Variants in E2F5 observed in about 807,000 individuals in gnomAD.
E2F5 encodes the protein transcription factor E2F5.
A neutral mutation model predicts 39.1 loss-of-function variants in E2F5; 23 were observed. That is an observed-to-expected ratio of 0.59 (90% CI 0.42 to 0.83). The LOEUF is 0.83. Among genes scored for constraint, E2F5 ranks in the 40% least tolerant of loss-of-function variants. The pLI is 0.00. For synonymous variants in E2F5, 145 were observed against 157.8 expected (o/e 0.92, Z 0.61); for missense variants, 365 against 406.7 (o/e 0.90, Z 0.88).
At position 85,179,415 on chromosome 8, in the gene E2F5, C is replaced by T. The variant is rs542615410; in HGVS notation, c.234+1761C>T. ...GGCTATATAATTGCCCTACAGAAGT[C>T]ACAGAGGCAGTGAGTAGGATGTAAA... On this transcript the variant is annotated intron_variant, in intron 1 of 7. Coordinates refer to ENST00000416274, the MANE Select transcript of E2F5 (RefSeq NM_001951.4). 1.2e-4 allele frequency among the ~76,000 whole-genome samples: 19 copies of T among 152,264 alleles called. No homozygotes were observed. In the South Asian group the frequency reaches 2.3e-3, roughly 18 times the overall value.
rs1812103284 is a variant in E2F5 at position 85,177,323 on chromosome 8, G to A, written c.-98G>A. On this transcript the variant is annotated 5_prime_UTR_variant, in exon 1 of 8. Transcript: ENST00000416274. ...CCCGCACTACCGCTCTCGGCGGGCG[G>A]GGAAGCGGCCGCAGCGGAGCCGACC... 1 of 942,988 alleles carries A rather than the reference G, an allele frequency of 1.1e-6. No homozygotes were observed. The highest frequency in any genetic ancestry group is 1.3e-6 in the Non-Finnish European group (1 of 791,418). The allele number at this position is 942,988 out of a possible 1,614,324, so 58.4% of individuals were successfully genotyped here. A position where few individuals can be genotyped will look rare whatever the true frequency, so the allele number is the denominator to read the frequency against.
chr8:85,178,142 C>T (rs1450921551), intron 1 of E2F5: 1 of 151,940 alleles, frequency 6.6e-6, no homozygotes, highest in African/African-American at 2.4e-5. Context: ...AAAAACAAAA[C>T]CCAGTCTGCC....
At chr8:85,194,426 T>G (rs1812534051) in intron 1 of E2F5, among the ~76,000 whole-genome samples, 1 of 152,138 alleles carries the variant, frequency 6.6e-6, no homozygotes, top group Admixed American at 6.6e-5. Flanking sequence ...ATGACAAGTC[T>G]AGGTTCCTGA....
chr8:85,183,067 C>G (rs1402680463), intron 1 of E2F5, among the ~76,000 whole-genome samples: 1 of 152,076 alleles, frequency 6.6e-6, no homozygotes. Flanking sequence ...CTGGCTAACA[C>G]GGTGAAACCC....
rs776591071 is a variant in E2F5 at position 85,177,701 on chromosome 8, C to T, written c.234+47C>T. 6.1e-5 allele frequency: 75 copies of T among 1,223,526 alleles called. 1 individual carries two copies. Among genetic ancestry groups the T allele is most frequent in the South Asian group, 1.9e-4 (5 of 25,786 alleles). The allele number at this position is 1,223,526 out of a possible 1,614,324, so 75.8% of individuals were successfully genotyped here. The stretch of plus-strand genomic sequence containing the variant: ...GGGGGCGGACTTCGGAACCCGTGGC[C>T]CCCGGGGAAGCCCAGCCCCTCGCCG... On this transcript the variant is annotated intron_variant, in intron 1 of 7. Transcript: ENST00000416274.
At chr8:85,186,809 ATAAGGTGTATATATATGGTATATATATG>A (rs1812352736) in intron 1 of E2F5, among the ~76,000 whole-genome samples, 4 of 148,016 alleles carry the variant, frequency 2.7e-5, no homozygotes, top group African/African-American at 9.9e-5. Context: ...ATATGTATAT[ATAAGGTGTATATATATGGTATATATATG>A]TAAGGTGTAT....
In E2F5 at chr8:85,209,191, G is replaced by A. The variant is rs1812863182; in HGVS notation, c.665G>A (p.Gly222Glu). Residue 222 changes from glycine to glutamate, a missense_variant, in exon 6 of 8, where the codon GGA (glycine) becomes GAA (glutamate). By Grantham distance (98) the Gly-to-Glu change is moderately conservative. Transcript: ENST00000416274. ...KYQINLKSHS[G>E]PIHVLLINKE... ...CAGATCAATCTAAAGAGTCATTCAG[G>A]ACCTATCCATGTGCTGCTTATAAAT... The A allele has an allele frequency of 6.2e-7, 1 of 1,613,926 alleles. No homozygotes were observed. Among genetic ancestry groups the A allele is most frequent in the South Asian group, 1.1e-5 (1 of 91,074 alleles).
chr8:85,211,657 T>G (rs1169489883), intron 6 of E2F5, among the ~76,000 whole-genome samples: 1 of 139,466 alleles, frequency 7.2e-6, no homozygotes, highest in Non-Finnish European at 1.6e-5. Context: ...TTTTTTTTTT[T>G]TTTTTTTTTT....
At chr8:85,204,618 G>A (rs992501624) in intron 3 of E2F5, among the ~76,000 whole-genome samples, 6 of 151,614 alleles carry the variant, frequency 4.0e-5, no homozygotes, top group African/African-American at 1.5e-4. Flanking sequence ...GGTGCAGCAC[G>A]CCAACATGGC....
chr8:85,195,625 G>T (rs1812563396), intron 1 of E2F5, among the ~76,000 whole-genome samples: 1 of 151,960 alleles, frequency 6.6e-6, no homozygotes, highest in Non-Finnish European at 1.5e-5. Context: ...AAATAGCTGG[G>T]ACTGCAGGCA....
chr8:85,177,648 CA>C lies in E2F5; in HGVS notation c.231del (p.Ala78ArgfsTer8). ...AGGCCAAGGACGGCGTTCTGGATCT[CA>C]AAGCGGTGAGCTCCGGAGGCGGGGA... Reference protein sequence around the residue: ...QEAKDGVLDLKAAADTLAVRQ... With the variant: ...QEAKDGVLDLXAAADTLAVRQ... On this transcript the variant is annotated frameshift_variant, in exon 1 of 8. Transcript: ENST00000416274. LOFTEE classifies it high-confidence loss of function. 1 of 1,291,454 alleles carries C rather than the reference CA, an allele frequency of 7.7e-7. No individual in the cohort carries two copies. The highest frequency in any genetic ancestry group is 9.8e-7 in the Non-Finnish European group (1 of 1,015,856). 80.0% of individuals were successfully genotyped at this position (1,291,454 alleles called of 1,614,324 possible).
At chr8:85,190,335 T>A (rs1348571496) in intron 1 of E2F5, among the ~76,000 whole-genome samples, 2 of 151,706 alleles carry the variant, frequency 1.3e-5, no homozygotes, top group African/African-American at 4.8e-5. Flanking sequence ...GGTCTTAGTT[T>A]TTTTTTTTCC....
rs192002228 is a variant in E2F5 at position 85,191,740 on chromosome 8, C to T, written c.235-10407C>T. On this transcript the variant is annotated intron_variant, in intron 1 of 7. Transcript: ENST00000416274. ...GCAGCCTGGGTTTTTGCCTTACTATCCTTTATCACAATATGGAATTATTTA... is the reference window on the plus strand; with the variant it reads ...GCAGCCTGGGTTTTTGCCTTACTATTCTTTATCACAATATGGAATTATTTA... Among the ~76,000 whole-genome samples, 822 of 152,256 alleles carry T rather than the reference C, an allele frequency of 5.4e-3. 5 individuals are homozygous for T. Among genetic ancestry groups the T allele is most frequent in the Non-Finnish European group, 8.5e-3 (581 of 68,028 alleles).
intron 1 of E2F5, among the ~76,000 whole-genome samples, chr8:85,192,095 G>A (rs1314841195): frequency 1.3e-5 from 2 of 152,150 alleles, no homozygotes; most frequent in African/African-American, 2.4e-5. Context: ...GACAGAACCT[G>A]GTGCTGAGTC....
chr8:85,179,600 T>A (rs1338374741), intron 1 of E2F5, among the ~76,000 whole-genome samples: 1 of 152,072 alleles, frequency 6.6e-6, no homozygotes, highest in African/African-American at 2.4e-5. Flanking sequence ...GAAAAACATA[T>A]GTTTTATGTA....
chr8:85,211,643 GTTT>G (rs950695727), intron 6 of E2F5, among the ~76,000 whole-genome samples: 5 of 52,212 alleles, frequency 9.6e-5, no homozygotes, highest in Non-Finnish European at 1.8e-4. Context: ...GTTTGTTGTT[GTTT>G]TTTTTTTTTT....
At chr8:85,180,768 A>G (rs1812195584) in intron 1 of E2F5, among the ~76,000 whole-genome samples, 2 of 150,060 alleles carry the variant, frequency 1.3e-5, no homozygotes, top group South Asian at 4.2e-4. Context: ...TTTAGTAGAG[A>G]CGGGGTTTCA....
chr8:85,205,741 CTTTG>C (rs1336982142), intron 3 of E2F5, among the ~76,000 whole-genome samples: 1 of 152,240 alleles, frequency 6.6e-6, no homozygotes, highest in Non-Finnish European at 1.5e-5. Context: ...GAGTATAATA[CTTTG>C]TTTTTCTGAG....
chr8:85,177,787 G>A, intron 1 of E2F5, 133 bp downstream of exon 1: 1 of 1,146,548 alleles, frequency 8.7e-7, no homozygotes, highest in Non-Finnish European at 1.1e-6. Flanking sequence ...GGCAATCCGA[G>A]GACCATGTGG....
Sources: allele counts gnomAD v4.1 joint callset (sites outside exome capture counted in the v4.1 genomes callset), GRCh38; gene constraint gnomAD v4.1.1; transcripts MANE v1.5; gene names NCBI Gene and HGNC (gene_info 2026-07-23, HGNC 2026-07-21).